The following BICC1 variants were observed in gnomAD, a reference collection of about 807,000 sequenced individuals.
BICC1 encodes the protein BicC family RNA binding protein 1, also known as protein bicaudal C homolog 1.
In BICC1, 43 loss-of-function variants were observed where a neutral mutation model predicts 111.0. That is an observed-to-expected ratio of 0.39 (90% CI 0.30 to 0.50). The LOEUF (loss-of-function observed/expected upper bound fraction) is 0.50. Ranked by LOEUF, BICC1 falls within the 20% of genes least tolerant of loss-of-function variation. The pLI is 0.88. For missense variants in BICC1, 1,091 were observed against 1,203.2 expected, an observed-to-expected ratio of 0.91 and a Z score of 1.38; for synonymous variants, 467 against 434.4, an observed-to-expected ratio of 1.07 and a Z score of -0.93.
At chr10:58,734,699 A>G (rs1393082778) in intron 3 of BICC1, among the ~76,000 whole-genome samples, 4 of 152,200 alleles carry the variant, frequency 2.6e-5, no homozygotes, top group African/African-American at 9.6e-5. Context: ...CAAATGATTT[A>G]TTTTTCATAG....
At chr10:58,768,257 G>A (rs545735471) in intron 3 of BICC1, among the ~76,000 whole-genome samples, 1 of 152,128 alleles carries the variant, frequency 6.6e-6, no homozygotes, top group Admixed American at 6.5e-5. Flanking sequence ...ACTATCAGTT[G>A]ACTTCTCAGC....
chr10:58,567,817 TA>T (rs1843818080), intron 1 of BICC1, among the ~76,000 whole-genome samples: 1 of 152,020 alleles, frequency 6.6e-6, no homozygotes, highest in African/African-American at 2.4e-5. Flanking sequence ...GAAGTGTGAA[TA>T]CCCAGGGAAG....
intron 3 of BICC1, among the ~76,000 whole-genome samples, chr10:58,708,620 A>T (rs1217238629): frequency 6.6e-6 from 1 of 152,174 alleles, no homozygotes; most frequent in Non-Finnish European, 1.5e-5. Context: ...GATTGGTTGG[A>T]CCAGGTGTGA....
At chr10:58,782,256 A>G (rs1190009574) in intron 3 of BICC1, among the ~76,000 whole-genome samples, 1 of 152,184 alleles carries the variant, frequency 6.6e-6, no homozygotes, top group Admixed American at 6.5e-5. Context: ...ATGCATAGGA[A>G]TTTTAATGCG....
intron 3 of BICC1, among the ~76,000 whole-genome samples, chr10:58,717,539 T>A (rs2132508689): frequency 6.6e-6 from 1 of 152,302 alleles, no homozygotes; most frequent in Non-Finnish European, 1.5e-5. Flanking sequence ...GTTAAAAAAA[T>A]AAGCAGAGAA....
chr10:58,751,941 G>C (rs1842001850), intron 3 of BICC1, among the ~76,000 whole-genome samples: 1 of 152,072 alleles, frequency 6.6e-6, no homozygotes, highest in African/African-American at 2.4e-5. Context: ...AGAAAACCAA[G>C]TTTAATAATG....
At position 58,638,551 on chromosome 10, in the gene BICC1, C is replaced by G. The variant is rs1002685563; in HGVS notation, c.237+17650C>G. 2.0e-5 allele frequency among the ~76,000 whole-genome samples: 3 copies of G among 152,172 alleles called. No individual in the cohort carries two copies. In the South Asian group the frequency reaches 6.2e-4, roughly 32 times the overall value. Reference sequence around the variant, plus strand: ...GTGCTTCTGAAATGTAGACACTGGTCTACACATGGGTCACCCAGAGTTCAC... The same window carrying G: ...GTGCTTCTGAAATGTAGACACTGGTGTACACATGGGTCACCCAGAGTTCAC... On this transcript the variant is annotated intron_variant, in intron 2 of 20. Transcript: ENST00000373886.
At chr10:58,691,436 C>T (rs1839904121) in intron 2 of BICC1, among the ~76,000 whole-genome samples, 2 of 152,110 alleles carry the variant, frequency 1.3e-5, no homozygotes, top group Non-Finnish European at 2.9e-5. Flanking sequence ...CCCAGAGGAA[C>T]CCCAAGACCT....
chr10:58,806,481 C>A, intron 15 of BICC1, 103 bp from the exon 16 acceptor site: 1 of 984,672 alleles, frequency 1.0e-6, no homozygotes, highest in Non-Finnish European at 1.6e-6. Context: ...ATGTCTCAGG[C>A]AGATTCATGG....
Position 58,799,200 on chromosome 10 carries a change from G to A in BICC1, c.1673G>A (p.Ser558Asn). 2 of 1,613,520 alleles carry A rather than the reference G, an allele frequency of 1.2e-6. No homozygotes were observed. Among genetic ancestry groups the A allele is most frequent in the Non-Finnish European group, 8.5e-7 (1 of 1,179,760 alleles). Residue 558 changes from serine to asparagine, a missense_variant, in exon 12 of 21, where the codon AGT becomes AAT. This residue lies in a region of BICC1 where 843 missense variants were observed against 900.8 expected (regional missense o/e 0.94). Transcript: ENST00000373886. Reference protein sequence around the residue: ...GLTPVDVHINSMQTEGKKISA... With the variant: ...GLTPVDVHINNMQTEGKKISA... Reference sequence around the variant, plus strand: ...ACTCCTGTTGATGTCCATATCAACAGTATGCAGACCGAAGGCAAAAAAATC... The same window carrying A: ...ACTCCTGTTGATGTCCATATCAACAATATGCAGACCGAAGGCAAAAAAATC...
At chr10:58,679,889 C>A (rs1195962605) in intron 2 of BICC1, among the ~76,000 whole-genome samples, 1 of 152,158 alleles carries the variant, frequency 6.6e-6, no homozygotes, top group Non-Finnish European at 1.5e-5. Context: ...TCAACATATG[C>A]AAATCAATAA....
intron 1 of BICC1, among the ~76,000 whole-genome samples, chr10:58,610,035 A>G (rs1383983762): frequency 6.6e-6 from 1 of 152,220 alleles, no homozygotes; most frequent in Non-Finnish European, 1.5e-5. Context: ...TTCCATTGAC[A>G]TATGTTAGGG....
intron 3 of BICC1, among the ~76,000 whole-genome samples, chr10:58,740,619 A>C (rs1841630119): frequency 6.6e-6 from 1 of 152,182 alleles, no homozygotes; most frequent in Non-Finnish European, 1.5e-5. Context: ...ACCTCTTTGG[A>C]AATTAATAAT....
At chr10:58,642,207 G>GGT (rs1838144267) in intron 2 of BICC1, among the ~76,000 whole-genome samples, 1 of 152,194 alleles carries the variant, frequency 6.6e-6, no homozygotes, top group South Asian at 2.1e-4. Context: ...CATTTTGTGA[G>GGT]GTGTGAGTTA....
At position 58,681,801 on chromosome 10, in the gene BICC1, C is replaced by T. The variant is rs572067050; in HGVS notation, c.238-20273C>T. Among the ~76,000 whole-genome samples, 8 of 152,182 alleles carry T rather than the reference C, an allele frequency of 5.3e-5. No individual in the cohort carries two copies. The East Asian group carries it at 9.7e-4, about 18-fold the overall frequency. ...CAGAGTTTCTTCCTTCCGGTGGTTT[C>T]GTGGTCTTGCTGACTTCAGGAGTGA... On this transcript the variant is annotated intron_variant, in intron 2 of 20. Coordinates refer to ENST00000373886, the MANE Select transcript of BICC1 (RefSeq NM_001080512.3).
chr10:58,651,345 A>G (rs1044742767), intron 2 of BICC1, among the ~76,000 whole-genome samples: 1 of 152,188 alleles, frequency 6.6e-6, no homozygotes, highest in African/African-American at 2.4e-5. Flanking sequence ...CACATCACAG[A>G]CTGGACTCTA....
At chr10:58,561,498 A>T (rs1273606865) in intron 1 of BICC1, among the ~76,000 whole-genome samples, 1 of 152,006 alleles carries the variant, frequency 6.6e-6, no homozygotes, top group East Asian at 1.9e-4. Flanking sequence ...TTTTAAAAAA[A>T]TCTATTCAGC....
chr10:58,569,349 A>G (rs1589106893), intron 1 of BICC1, among the ~76,000 whole-genome samples: 2 of 152,168 alleles, frequency 1.3e-5, no homozygotes, highest in Non-Finnish European at 2.9e-5. Context: ...CACAAGGAAT[A>G]TATGTACATG....
chr10:58,633,802 G>A (rs11006215), intron 2 of BICC1, among the ~76,000 whole-genome samples: 1 of 152,126 alleles, frequency 6.6e-6, no homozygotes, highest in East Asian at 1.9e-4. Context: ...GGTTCCATTT[G>A]TATAAAAGAT....
Sources: gnomAD v4.1 joint callset for allele counts (sites outside exome capture counted in the v4.1 genomes callset) on GRCh38, gnomAD v4.1.1 for gene constraint, gnomAD v4.1.1 regional missense constraint, MANE v1.5 for transcripts, NCBI Gene and HGNC (gene_info 2026-07-23, HGNC 2026-07-21) for gene names.